The following BTBD7 variants were observed in gnomAD, a reference collection of about 807,000 sequenced individuals.
BTBD7 encodes BTB/POZ domain-containing protein 7.
In BTBD7, 38 loss-of-function variants were observed where a neutral mutation model predicts 99.9. The ratio of observed to expected loss-of-function variants is 0.38; its 90% CI spans 0.29 to 0.50. The LOEUF (loss-of-function observed/expected upper bound fraction) is 0.50. Among genes scored for constraint, BTBD7 ranks in the 20% least tolerant of loss-of-function variants. BTBD7 has a pLI of 0.93. For synonymous variants in BTBD7, 520 were observed against 511.4 expected (o/e 1.02, Z -0.23); for missense variants, 1,170 against 1,394.6 (o/e 0.84, Z 2.57).
intron 9 of BTBD7, 125 bp downstream of exon 9, chr14:93,248,345 AGACACC>A: frequency 2.2e-6 from 2 of 907,298 alleles, no homozygotes; most frequent in Non-Finnish European, 3.3e-6. Flanking sequence ...AGGTTATCAA[AGACACC>A]AAAGGCAGTG....
chr14:93,288,445 T>C (rs537684914), intron 3 of BTBD7: 29 of 685,792 alleles, frequency 4.2e-5, no homozygotes, highest in South Asian at 3.5e-4. Context: ...TTTACTTTAA[T>C]AGCATCCTGC....
intron 1 of BTBD7, among the ~76,000 whole-genome samples, chr14:93,308,131 A>G (rs375247511): frequency 1.3e-5 from 2 of 152,100 alleles, no homozygotes; most frequent in East Asian, 3.9e-4. Context: ...CGTCTCTACT[A>G]AATATATTAG....
intron 5 of BTBD7, among the ~76,000 whole-genome samples, chr14:93,260,078 G>A (rs2052470908): frequency 2.0e-5 from 3 of 152,116 alleles, no homozygotes; most frequent in Admixed American, 2.0e-4. Context: ...AAATAAAATA[G>A]AAGGACTGCT....
At chr14:93,247,857 G>C (rs2052330106) in intron 9 of BTBD7, among the ~76,000 whole-genome samples, 1 of 151,930 alleles carries the variant, frequency 6.6e-6, no homozygotes, top group Non-Finnish European at 1.5e-5. Context: ...CTTTTTTCCT[G>C]GTAGGTTAAA....
At chr14:93,248,058 A>T (rs1203144653) in intron 9 of BTBD7, among the ~76,000 whole-genome samples, 1 of 152,272 alleles carries the variant, frequency 6.6e-6, no homozygotes, top group Non-Finnish European at 1.5e-5. Flanking sequence ...TTCTACTTCC[A>T]TGCCATCTCT....
chr14:93,276,890 T>C (rs1210092678), intron 3 of BTBD7, among the ~76,000 whole-genome samples: 1 of 134,592 alleles, frequency 7.4e-6, no homozygotes, highest in African/African-American at 2.9e-5. Flanking sequence ...ACACACAGAT[T>C]AATTTTTTTT....
At chr14:93,308,287 CAA>C (rs869127588) in intron 1 of BTBD7, among the ~76,000 whole-genome samples, 15 of 74,922 alleles carry the variant, frequency 2.0e-4, no homozygotes, top group Admixed American at 4.7e-4. Context: ...ACTCGGTCTC[CAA>C]AAAAAAAAAA....
Position 93,331,715 on chromosome 14 carries a change from T to C in BTBD7, c.-107+1105A>G, listed in dbSNP as rs1244292302. On this transcript the variant is annotated intron_variant, in intron 1 of 10. Coordinates refer to ENST00000334746, the MANE Select transcript of BTBD7 (RefSeq NM_001002860.4). The stretch of plus-strand genomic sequence containing the variant: ...GGCCAACATGGTGAAACCACGTCTC[T>C]ATTAAAAATACAAAAACTAGCCGGG... 2.0e-5 allele frequency among the ~76,000 whole-genome samples: 3 copies of C among 152,160 alleles called. No individual in the cohort carries two copies. In the East Asian group the frequency reaches 5.8e-4, roughly 29 times the overall value.
intron 1 of BTBD7, among the ~76,000 whole-genome samples, chr14:93,297,342 A>G (rs2052941594): frequency 6.6e-6 from 1 of 152,220 alleles, no homozygotes; most frequent in Non-Finnish European, 1.5e-5. Context: ...TTATTTATTT[A>G]GACGGAGTCT....
intron 3 of BTBD7, among the ~76,000 whole-genome samples, chr14:93,265,734 C>A (rs987652587): frequency 6.6e-5 from 10 of 152,202 alleles, no homozygotes; most frequent in Non-Finnish European, 1.3e-4. Flanking sequence ...CCAGCTTGGC[C>A]AACATGGTGA....
Position 93,294,130 on chromosome 14 carries a change from C to T in BTBD7, c.890G>A (p.Arg297Gln), listed in dbSNP as rs138673267. ...FFRNLLQRRI[R>Q]TGEEITDRTL... ...TCGGTCTGTGATTTCTTCACCAGTT[C>T]GTATCCTCCTTTGTAATAAATTTCG... Residue 297 changes from arginine to glutamine, a missense_variant, in exon 3 of 11, where the codon CGA (arginine) becomes CAA (glutamine). By Grantham distance (43) the Arg-to-Gln change is conservative. Coordinates refer to ENST00000334746, the MANE Select transcript of BTBD7 (RefSeq NM_001002860.4). 2,763 of 1,614,108 alleles carry T rather than the reference C, an allele frequency of 1.7e-3. 6 individuals are homozygous for T. Among genetic ancestry groups the T allele is most frequent in the Non-Finnish European group, 2.2e-3 (2,601 of 1,180,014 alleles).
intron 3 of BTBD7, chr14:93,288,785 C>A (rs529335012): frequency 6.4e-7 from 1 of 1,571,228 alleles, no homozygotes; most frequent in East Asian, 2.2e-5. Flanking sequence ...AAACCCAAAA[C>A]ATCAGTATCT....
Position 93,294,194 on chromosome 14 carries a change from C to T in BTBD7, c.826G>A (p.Ala276Thr). ...CGTGCAGAAATAACAGCCTTGTGGG[C>T]TTTGAGCTCTTCATCTAAACAGTTC... The part of the protein sequence containing the change: ...NQNCLDEELK[A>T]HKAVISARSP... The change falls in exon 3 of 11, where the codon GCC (alanine) becomes ACC (threonine). Residue 276 changes from alanine to threonine, a missense_variant. By Grantham distance (58) the Ala-to-Thr change is moderately conservative. Coordinates refer to ENST00000334746, the MANE Select transcript of BTBD7 (RefSeq NM_001002860.4). The T allele has an allele frequency of 6.2e-7, 1 of 1,614,110 alleles. No homozygotes were observed. Among genetic ancestry groups the T allele is most frequent in the South Asian group, 1.1e-5 (1 of 91,076 alleles).
chr14:93,318,000 G>A (rs1287801159), intron 1 of BTBD7, among the ~76,000 whole-genome samples: 1 of 152,186 alleles, frequency 6.6e-6, no homozygotes, highest in Non-Finnish European at 1.5e-5. Context: ...TGAAGCTTGT[G>A]CCTGGTTTCC....
At chr14:93,319,434 T>C (rs2053245107) in intron 1 of BTBD7, among the ~76,000 whole-genome samples, 1 of 152,202 alleles carries the variant, frequency 6.6e-6, no homozygotes, top group Non-Finnish European at 1.5e-5. Flanking sequence ...GGAATACTAT[T>C]TGGCCTCAGA....
chr14:93,328,005 A>C (rs2053353110), intron 1 of BTBD7, among the ~76,000 whole-genome samples: 1 of 152,240 alleles, frequency 6.6e-6, no homozygotes, highest in Non-Finnish European at 1.5e-5. Context: ...AGAGAAATTA[A>C]GACAAGAATC....
intron 1 of BTBD7, among the ~76,000 whole-genome samples, chr14:93,326,670 C>T (rs112694863): frequency 0.078 from 11,926 of 151,980 alleles, 1,000 homozygotes; most frequent in African/African-American, 0.21. Flanking sequence ...GGTGTGGTGG[C>T]GCGTACCTAC....
rs1419859060 is a variant in BTBD7, at chr14:93,332,876, C to CCGCCGCCACCAG, written c.-164_-163insCTGGTGGCGGCG. On this transcript the variant is annotated 5_prime_UTR_variant, in exon 1 of 11. Coordinates refer to ENST00000334746, the MANE Select transcript of BTBD7 (RefSeq NM_001002860.4). ...GCTGGGACCGCTGCCGTCGCCTCCG[C>CCGCCGCCACCAG]CGCCGCCGCCACCAGCACCGCCGTC... 7.9e-5 allele frequency: 116 copies of CCGCCGCCACCAG among 1,461,718 alleles called. 1 individual carries two copies. Among genetic ancestry groups the CCGCCGCCACCAG allele is most frequent in the Middle Eastern group, 1.8e-4 (1 of 5,430 alleles). The allele number at this position is 1,461,718 out of a possible 1,614,324, so 90.5% of individuals were successfully genotyped here.
chr14:93,288,037 T>C (rs1006312098), intron 3 of BTBD7: 3 of 155,800 alleles, frequency 1.9e-5, no homozygotes, highest in Non-Finnish European at 4.2e-5. Flanking sequence ...ACTACTTCAC[T>C]GTATTGTGGT....
Sources: gnomAD v4.1 joint callset for allele counts (sites outside exome capture counted in the v4.1 genomes callset) on GRCh38, gnomAD v4.1.1 for gene constraint, MANE v1.5 for transcripts, NCBI Gene and HGNC (gene_info 2026-07-23, HGNC 2026-07-21) for gene names.